The following GNAI3 variants were observed in gnomAD, a reference collection of about 807,000 sequenced individuals.
GNAI3 encodes guanine nucleotide-binding protein G(i) subunit alpha-3.
GNAI3 carries 12 observed loss-of-function variants against 41.8 expected under a neutral mutation model. The observed-to-expected ratio is 0.29, with a 90% CI of 0.18 to 0.47. The LOEUF (loss-of-function observed/expected upper bound fraction) is 0.47. Among genes scored for constraint, GNAI3 ranks in the 20% least tolerant of loss-of-function variants. The pLI is 1.00. For missense variants in GNAI3, 360 were observed against 429.6 expected (o/e 0.84, Z 1.43); for synonymous variants, 132 against 146.5 (o/e 0.90, Z 0.71).
Position 109,593,157 on chromosome 1 carries a change from A to G in GNAI3, c.*835A>G, listed in dbSNP as rs780564640. On this transcript the variant is annotated 3_prime_UTR_variant, in exon 9 of 9. Coordinates refer to ENST00000369851, the MANE Select transcript of GNAI3 (RefSeq NM_006496.4). The stretch of plus-strand genomic sequence containing the variant: ...CAGAAATGCAAATTGCTAAATTCCA[A>G]ACAGAACCAGTGACTTTGCTGCTAC... 5.9e-5 allele frequency: 9 copies of G among 152,668 alleles called. No individual in the cohort carries two copies. The highest frequency in any genetic ancestry group is 2.9e-5 in the Non-Finnish European group (2 of 68,050). 9.5% of individuals were successfully genotyped at this position (152,668 alleles called of 1,614,324 possible).
intron 1 of GNAI3, among the ~76,000 whole-genome samples, chr1:109,566,953 C>A (rs909461408): frequency 5.9e-5 from 9 of 152,126 alleles, no homozygotes; most frequent in African/African-American, 2.2e-4. Context: ...AGTAGGTACT[C>A]CTATTGGAAA....
intron 1 of GNAI3, among the ~76,000 whole-genome samples, chr1:109,572,079 G>A (rs945711015): frequency 1.4e-4 from 22 of 151,938 alleles, no homozygotes; most frequent in African/African-American, 3.9e-4. Context: ...AGGCTGAGGC[G>A]GGCAGATCAC....
intron 1 of GNAI3, among the ~76,000 whole-genome samples, chr1:109,562,530 T>C (rs1648340744): frequency 6.6e-6 from 1 of 152,216 alleles, no homozygotes; most frequent in African/African-American, 2.4e-5. Flanking sequence ...CACTAATTCA[T>C]GCTGTAACAA....
intron 1 of GNAI3, among the ~76,000 whole-genome samples, chr1:109,557,053 A>G (rs1463836661): frequency 1.3e-5 from 2 of 152,162 alleles, no homozygotes; most frequent in South Asian, 2.1e-4. Context: ...CTCATGCCTC[A>G]GCCTTCTGCG....
chr1:109,596,655 G>C lies in GNAI3; in HGVS notation c.*4333G>C, dbSNP rs1649316550. On this transcript the variant is annotated 3_prime_UTR_variant, in exon 9 of 9. Coordinates refer to ENST00000369851, the MANE Select transcript of GNAI3 (RefSeq NM_006496.4). ...AGATGTGAACCACTCCACCCACTCAGGGCAGTTTTTTTTCTGATACCATAT... is the reference window on the plus strand; with the variant it reads ...AGATGTGAACCACTCCACCCACTCACGGCAGTTTTTTTTCTGATACCATAT... 1 of 152,204 alleles carries C rather than the reference G, an allele frequency of 6.6e-6. No homozygotes were observed. Among genetic ancestry groups the C allele is most frequent in the African/African-American group, 2.4e-5 (1 of 41,440 alleles). 9.4% of individuals were successfully genotyped at this position (152,204 alleles called of 1,614,324 possible).
At chr1:109,561,646 A>T in intron 1 of GNAI3, among the ~76,000 whole-genome samples, 1 of 152,240 alleles carries the variant, frequency 6.6e-6, no homozygotes, top group African/African-American at 2.4e-5. Flanking sequence ...ATTCTTAAGC[A>T]GTTCAAGTAG....
intron 1 of GNAI3, among the ~76,000 whole-genome samples, chr1:109,565,677 T>A (rs1648431453): frequency 6.6e-6 from 1 of 152,212 alleles, no homozygotes; most frequent in Non-Finnish European, 1.5e-5. Flanking sequence ...TGCTCTAGAT[T>A]GGCGGGGGGT....
At chr1:109,578,401 C>A (rs561539240) in intron 3 of GNAI3, among the ~76,000 whole-genome samples, 3 of 139,466 alleles carry the variant, frequency 2.2e-5, no homozygotes, top group African/African-American at 8.0e-5. Flanking sequence ...ACCCAGGAGG[C>A]GGAGGTTACA....
chr1:109,590,425 A>G (rs1054000680), intron 7 of GNAI3, among the ~76,000 whole-genome samples: 4 of 152,136 alleles, frequency 2.6e-5, no homozygotes, highest in Non-Finnish European at 4.4e-5. Context: ...GCCAGGTATT[A>G]TTATCTGTTC....
At chr1:109,549,861 A>C (rs1024944000) in intron 1 of GNAI3, among the ~76,000 whole-genome samples, 3 of 152,268 alleles carry the variant, frequency 2.0e-5, no homozygotes, top group Admixed American at 6.5e-5. Flanking sequence ...ATTTTACTCA[A>C]CATGAGTTTC....
Position 109,596,016 on chromosome 1 carries a change from A to G in GNAI3, c.*3694A>G, listed in dbSNP as rs1206693591. 1 of 152,202 alleles carries G rather than the reference A, an allele frequency of 6.6e-6. No individual in the cohort carries two copies. Among genetic ancestry groups the G allele is most frequent in the East Asian group, 1.9e-4 (1 of 5,202 alleles). The allele number at this position is 152,202 out of a possible 1,614,324, so 9.4% of individuals were successfully genotyped here. On this transcript the variant is annotated 3_prime_UTR_variant, in exon 9 of 9. Transcript: ENST00000369851. The stretch of plus-strand genomic sequence containing the variant: ...TACTTTAGGCTTCGTAGTGCAAATC[A>G]GGGATCTGACCTGGATCAGCCTCAG...
At chr1:109,559,215 T>TA (rs1430556287) in intron 1 of GNAI3, among the ~76,000 whole-genome samples, 1 of 151,260 alleles carries the variant, frequency 6.6e-6, no homozygotes, top group Non-Finnish European at 1.5e-5. Flanking sequence ...AAAGAAAAAA[T>TA]GTCTAGAGCA....
In GNAI3 at chr1:109,549,632, G is replaced by A. The variant is rs1235929553; in HGVS notation, c.118+794G>A. The stretch of plus-strand genomic sequence containing the variant: ...CTAGTGAACAAGAGATTACACATTG[G>A]AGGATGCTGAATAGTTGCTATAGAT... On this transcript the variant is annotated intron_variant, in intron 1 of 8. Coordinates refer to ENST00000369851, the MANE Select transcript of GNAI3 (RefSeq NM_006496.4). 7.2e-5 allele frequency among the ~76,000 whole-genome samples: 11 copies of A among 152,212 alleles called. No individual in the cohort carries two copies. In the East Asian group the frequency reaches 2.1e-3, roughly 29 times the overall value.
At chr1:109,555,973 T>C (rs796521693) in intron 1 of GNAI3, among the ~76,000 whole-genome samples, 18,653 of 147,364 alleles carry the variant, frequency 0.13, 1,364 homozygotes, top group East Asian at 0.2. Flanking sequence ...CGTGTGTGTG[T>C]GTGTGTGTGT....
intron 4 of GNAI3, among the ~76,000 whole-genome samples, chr1:109,581,912 A>AAAACG (rs917459554): frequency 2.0e-5 from 3 of 151,904 alleles, no homozygotes; most frequent in Non-Finnish European, 4.4e-5. Context: ...AAAACAAAAC[A>AAAACG]AAACAAAAAA....
rs1051282759 is a variant in GNAI3 at position 109,569,614 on chromosome 1, TAAGA to T, written c.119-4119_119-4116del. On this transcript the variant is annotated intron_variant, in intron 1 of 8. Coordinates refer to ENST00000369851, the MANE Select transcript of GNAI3 (RefSeq NM_006496.4). ...GTAAAAGTGAAGAGCCCAGACCTAA[TAAGA>T]AAGGGTTATAGAAAGTGTTTCAATA... Among the ~76,000 whole-genome samples, 50 of 152,164 alleles carry T rather than the reference TAAGA, an allele frequency of 3.3e-4. 1 individual carries two copies. Among genetic ancestry groups the T allele is most frequent in the Middle Eastern group, 6.8e-3 (2 of 294 alleles).
rs1246625051 is a variant in GNAI3 at position 109,577,030 on chromosome 1, T to A, written c.304-2174T>A. ...GTTTTTTTCTGTTTTTTTTTTTTTTTAAAGTAGTGCTTAATAAGGTTATTT... is the reference window on the plus strand; with the variant it reads ...GTTTTTTTCTGTTTTTTTTTTTTTTAAAAGTAGTGCTTAATAAGGTTATTT... On this transcript the variant is annotated intron_variant, in intron 3 of 8. Transcript: ENST00000369851. Among the ~76,000 whole-genome samples, 6 of 126,268 alleles carry A rather than the reference T, an allele frequency of 4.8e-5. No homozygotes were observed. In the East Asian group the frequency reaches 9.4e-4, roughly 20 times the overall value. 82.8% of individuals were successfully genotyped at this position (126,268 alleles called of 152,430 possible).
At position 109,556,004 on chromosome 1, in the gene GNAI3, G is replaced by A. The variant is rs180931212; in HGVS notation, c.118+7166G>A. The stretch of plus-strand genomic sequence containing the variant: ...TGTGTGTGTGTGTGTGTGTGTTTGT[G>A]TGTGTTTCATCAGGTCCTTCCATTA... On this transcript the variant is annotated intron_variant, in intron 1 of 8. Transcript: ENST00000369851. Among the ~76,000 whole-genome samples, 935 of 150,712 alleles carry A rather than the reference G, an allele frequency of 6.2e-3. 9 individuals carry two copies. The highest frequency in any genetic ancestry group is 8.7e-3 in the Non-Finnish European group (589 of 67,686).
intron 7 of GNAI3, among the ~76,000 whole-genome samples, chr1:109,588,132 G>C (rs1286407023): frequency 1.3e-5 from 2 of 152,106 alleles, no homozygotes; most frequent in Non-Finnish European, 2.9e-5. Context: ...TGTAATCCCA[G>C]CACTTTGGGA....
Sources: allele counts gnomAD v4.1 joint callset (sites outside exome capture counted in the v4.1 genomes callset), GRCh38; gene constraint gnomAD v4.1.1; transcripts MANE v1.5; gene names NCBI Gene and HGNC (gene_info 2026-07-23, HGNC 2026-07-21).